MTF1: variants seen among roughly 807,000 people sequenced by gnomAD.
MTF1 encodes the protein MRE-binding transcription factor.
In MTF1, 22 loss-of-function variants were observed where a neutral mutation model predicts 70.4. The observed-to-expected ratio is 0.31, with a 90% CI of 0.22 to 0.45. The LOEUF (loss-of-function observed/expected upper bound fraction) is 0.45, where lower values mean the gene tolerates loss of function less well. Among genes scored for constraint, MTF1 ranks in the 20% least tolerant of loss-of-function variants. MTF1 has a pLI of 1.00. For synonymous variants in MTF1, 333 were observed against 352.8 expected (o/e 0.94, Z 0.63); for missense variants, 649 against 922.0 (o/e 0.70, Z 3.83).
intron 8 of MTF1, 72 bp from the exon 9 acceptor site, chr1:37,822,788 T>C (rs1640938612): frequency 9.2e-7 from 1 of 1,083,502 alleles, no homozygotes; most frequent in African/African-American, 1.6e-5. Context: ...ACAGTCATTA[T>C]GGGCTAAACA....
intron 10 of MTF1, among the ~76,000 whole-genome samples, chr1:37,817,155 G>C (rs554272482): frequency 6.6e-6 from 1 of 152,166 alleles, no homozygotes; most frequent in South Asian, 2.1e-4. Flanking sequence ...ATTTTTTTCT[G>C]GCTACATTTT....
chr1:37,834,935 C>T, intron 6 of MTF1, 144 bp downstream of exon 6: 1 of 822,660 alleles, frequency 1.2e-6, no homozygotes, highest in Non-Finnish European at 2.0e-6. Context: ...GTTAAATACA[C>T]AAGTCAAGAC....
At chr1:37,849,064 C>T (rs147319189) in intron 2 of MTF1, among the ~76,000 whole-genome samples, 34 of 152,322 alleles carry the variant, frequency 2.2e-4, no homozygotes, top group African/African-American at 7.7e-4. Context: ...TAACTCTCCT[C>T]TTGGAATGCC....
chr1:37,818,669 A>C (rs986628148), intron 9 of MTF1, among the ~76,000 whole-genome samples: 2 of 142,122 alleles, frequency 1.4e-5, no homozygotes, highest in East Asian at 4.2e-4. Flanking sequence ...GCGCCACTGC[A>C]CTCCAGCCTA....
chr1:37,829,481 A>G (rs78926056), intron 7 of MTF1, among the ~76,000 whole-genome samples: 2 of 151,860 alleles, frequency 1.3e-5, no homozygotes, highest in Non-Finnish European at 2.9e-5. Flanking sequence ...TTTTTTTTCA[A>G]GCAAAGAAAA....
chr1:37,850,661 G>A (rs939656929), intron 2 of MTF1, among the ~76,000 whole-genome samples: 11 of 152,120 alleles, frequency 7.2e-5, no homozygotes, highest in Admixed American at 2.6e-4. Context: ...CGTGAAATTC[G>A]AGTCAGAATG....
At chr1:37,816,900 G>T (rs1364154414) in intron 10 of MTF1, among the ~76,000 whole-genome samples, 1 of 152,094 alleles carries the variant, frequency 6.6e-6, no homozygotes, top group Non-Finnish European at 1.5e-5. Context: ...AGGAGAACAG[G>T]GTGGGAACGG....
At chr1:37,856,388 G>C (rs1641494563) in intron 2 of MTF1, among the ~76,000 whole-genome samples, 1 of 151,620 alleles carries the variant, frequency 6.6e-6, no homozygotes. Context: ...ATGTTGGCCA[G>C]GGTGCTCTTA....
At chr1:37,817,536 C>T in intron 9 of MTF1, 54 bp from the exon 10 acceptor site, 2 of 1,249,690 alleles carry the variant, frequency 1.6e-6, no homozygotes, top group Non-Finnish European at 2.4e-6. Context: ...GGCAGATCCC[C>T]AGGGACCTGA....
intron 2 of MTF1, among the ~76,000 whole-genome samples, chr1:37,847,580 T>C (rs1168896876): frequency 6.6e-6 from 1 of 152,126 alleles, no homozygotes; most frequent in African/African-American, 2.4e-5. Context: ...ACCATGGAAA[T>C]AATTTTCAGT....
In MTF1 at chr1:37,857,735, G is replaced by C. The variant is rs554772514; in HGVS notation, c.-51-26C>G. The C allele has an allele frequency of 1.4e-4, 199 of 1,463,912 alleles. No homozygotes were observed. The African/African-American group carries it at 2.4e-3, about 18-fold the overall frequency. 90.7% of individuals were successfully genotyped at this position (1,463,912 alleles called of 1,614,324 possible). ...CTGCAACAGAACAAAGCCAGAGTTA[G>C]AGTCATACCACAAGACCGACGGACC... On this transcript the variant is annotated intron_variant, in intron 1 of 10. Coordinates refer to ENST00000373036, the MANE Select transcript of MTF1 (RefSeq NM_005955.3).
rs1031400249 is a variant in MTF1 at position 37,814,968 on chromosome 1, C to T, written c.*168G>A. The stretch of plus-strand genomic sequence containing the variant: ...TTTGTTTTTTTCCAAAGAATAGTTC[C>T]TTAAAATGGATGCTCCTGGGATGTG... On this transcript the variant is annotated 3_prime_UTR_variant, in exon 11 of 11. Transcript: ENST00000373036. The T allele has an allele frequency of 1.1e-5, 7 of 620,490 alleles. No homozygotes were observed. In the Admixed American group the frequency reaches 1.2e-4, roughly 11 times the overall value. The allele number at this position is 620,490 out of a possible 1,614,324, so 38.4% of individuals were successfully genotyped here. A position where few individuals can be genotyped will look rare whatever the true frequency, so the allele number is the denominator to read the frequency against.
In MTF1 at chr1:37,822,603, C is replaced by T. The variant is rs773997656; in HGVS notation, c.1285G>A (p.Glu429Lys). 16 of 1,613,646 alleles carry T rather than the reference C, an allele frequency of 9.9e-6. No homozygotes were observed. The highest frequency in any genetic ancestry group is 6.7e-5 in the African/African-American group (5 of 74,814). Residue 429 changes from glutamate (E) to lysine (K), a missense_variant, in exon 9 of 11, where the codon GAG becomes AAG. This residue lies in a region of MTF1 where 267 missense variants were observed against 292.1 expected (regional missense o/e 0.91). Transcript: ENST00000373036. ...LPLVLQPGLS[E>K]PPQPLLPASA... is the part of the protein sequence containing the mutation. ...GCAGGTAGTAGAGGCTGGGGTGGCT[C>T]GGAGAGGCCAGGTTGCAGTACAAGT...
chr1:37,834,744 C>T, intron 6 of MTF1: 1 of 491,114 alleles, frequency 2.0e-6, no homozygotes, highest in Non-Finnish European at 4.0e-6. Flanking sequence ...GCAGACTTTG[C>T]TGGCGGATGT....
In MTF1 at chr1:37,840,262, T is replaced by C; in HGVS notation, c.409-104A>G. On this transcript the variant is annotated intron_variant, in intron 2 of 10. Transcript: ENST00000373036. The surrounding 1 kb of genome is among the most constrained non-coding windows in gnomAD (Gnocchi z 4.5). ...CAAGAGATGCTGTGGACAATACAAC[T>C]GGGTTTTCATCATAAACACAGAAAA... 2 of 1,029,780 alleles carry C rather than the reference T, an allele frequency of 1.9e-6. No individual in the cohort carries two copies. Among genetic ancestry groups the C allele is most frequent in the Non-Finnish European group, 1.5e-6 (1 of 682,874 alleles). The allele number at this position is 1,029,780 out of a possible 1,614,324, so 63.8% of individuals were successfully genotyped here.
chr1:37,856,170 C>CTTTTTTTTTTTTTT (rs869062644), intron 2 of MTF1, among the ~76,000 whole-genome samples: 1 of 74,156 alleles, frequency 1.3e-5, no homozygotes, highest in African/African-American at 5.1e-5. Context: ...CCTGAATTTC[C>CTTTTTTTTTTTTTT]TTTTTTTTTT....
intron 4 of MTF1, 40 bp from the exon 5 acceptor site, chr1:37,835,784 A>T (rs774844719): frequency 2.0e-6 from 3 of 1,524,736 alleles, no homozygotes; most frequent in Non-Finnish European, 2.7e-6. Flanking sequence ...GTCATTAGCT[A>T]ATAGATCTTT....
Position 37,857,314 on chromosome 1 carries a change from T to C in MTF1, c.345A>G (p.Pro115=), listed in dbSNP as rs776022500. The C allele has an allele frequency of 7.4e-6, 12 of 1,614,222 alleles. No individual in the cohort carries two copies. Among genetic ancestry groups the C allele is most frequent in the Non-Finnish European group, 1.0e-5 (12 of 1,180,044 alleles). The change falls in exon 2 of 11, where the codon CCA becomes CCG. Residue 115 remains proline (P), a synonymous_variant. Transcript: ENST00000373036. The part of the protein sequence containing the change: ...LTINPGSTPM[P]RNIEGATLTL... ...TGAGGGTTGCACCTTCAATATTTCT[T>C]GGCATGGGTGTGGAACCAGGGTTTA...
Position 37,854,775 on chromosome 1 carries a change from T to C in MTF1, c.408+2476A>G, listed in dbSNP as rs376767390. Among the ~76,000 whole-genome samples the C allele has an allele frequency of 1.4e-4, 21 of 152,190 alleles. No homozygotes were observed. The East Asian group carries it at 1.7e-3, about 13-fold the overall frequency. The stretch of plus-strand genomic sequence containing the variant: ...TCAACTGCAGATTTTAAAAGGACTC[T>C]GGGGCCGGGCGCGGTGGCTCATGCC... On this transcript the variant is annotated intron_variant, in intron 2 of 10. Transcript: ENST00000373036.
Sources: gnomAD v4.1 joint callset for allele counts (sites outside exome capture counted in the v4.1 genomes callset) on GRCh38, gnomAD v4.1.1 for gene constraint, gnomAD v4.1.1 regional missense constraint, Gnocchi (gnomAD v3.1) non-coding constraint, MANE v1.5 for transcripts, NCBI Gene and HGNC (gene_info 2026-07-23, HGNC 2026-07-21) for gene names.